CTNNA3: variants seen among roughly 807,000 people sequenced by gnomAD.
CTNNA3 encodes the protein catenin alpha-3.
Under a neutral mutation model 95.7 loss-of-function variants are expected in CTNNA3, and 76 were observed. The observed-to-expected ratio is 0.79, with a 90% CI of 0.66 to 0.96. The LOEUF (loss-of-function observed/expected upper bound fraction) is 0.96, where lower values mean the gene tolerates loss of function less well. CTNNA3 is among the 40% of genes least tolerant of loss of function. The pLI is 0.00. For missense variants in CTNNA3, 1,191 were observed against 1,089.8 expected, an observed-to-expected ratio of 1.09 and a Z score of -1.31; for synonymous variants, 431 against 374.4, an observed-to-expected ratio of 1.15 and a Z score of -1.74.
intron 7 of CTNNA3, among the ~76,000 whole-genome samples, chr10:66,833,267 G>T (rs1842784052): frequency 6.6e-6 from 1 of 152,144 alleles, no homozygotes; most frequent in Admixed American, 6.5e-5. Flanking sequence ...TAGCCAGTCT[G>T]CCAGGAGGCT....
chr10:67,388,403 G>A (rs1469352822), intron 5 of CTNNA3, among the ~76,000 whole-genome samples: 1 of 129,156 alleles, frequency 7.7e-6, no homozygotes, highest in Non-Finnish European at 1.6e-5. Context: ...AGAAATATGG[G>A]ACTATGTGAA....
chr10:66,776,412 G>A (rs1840301926), intron 7 of CTNNA3, among the ~76,000 whole-genome samples: 1 of 152,096 alleles, frequency 6.6e-6, no homozygotes, highest in South Asian at 2.1e-4. Flanking sequence ...GTTACAGCAC[G>A]AACTCAATGA....
At chr10:66,404,236 C>T (rs2093040539) in intron 11 of CTNNA3, among the ~76,000 whole-genome samples, 1 of 152,134 alleles carries the variant, frequency 6.6e-6, no homozygotes, top group East Asian at 1.9e-4. Flanking sequence ...GCACCCATAA[C>T]CTAAATCCTT....
intron 13 of CTNNA3, among the ~76,000 whole-genome samples, chr10:66,217,910 T>C (rs1044007216): frequency 7.5e-6 from 1 of 133,440 alleles, no homozygotes; most frequent in Non-Finnish European, 1.6e-5. Context: ...GGGTACCAGA[T>C]GAAGTCTGTC....
intron 12 of CTNNA3, among the ~76,000 whole-genome samples, chr10:66,351,976 TATAATAATAAAA>T (rs1393303233): frequency 6.6e-6 from 1 of 151,926 alleles, no homozygotes; most frequent in African/African-American, 2.4e-5. Context: ...GGTGACAATA[TATAATAATAAAA>T]ATAATAATAA....
intron 9 of CTNNA3, among the ~76,000 whole-genome samples, chr10:66,721,390 T>C (rs1848623775): frequency 6.6e-6 from 1 of 152,214 alleles, no homozygotes; most frequent in African/African-American, 2.4e-5. Context: ...AAAATTTCTT[T>C]GTTTTACTTA....
At chr10:67,736,375 ATG>A (rs1391876102) in intron 1 of CTNNA3, among the ~76,000 whole-genome samples, 1 of 152,120 alleles carries the variant, frequency 6.6e-6, no homozygotes, top group African/African-American at 2.4e-5. Flanking sequence ...AACATTGTAA[ATG>A]TATTTAATGT....
intron 5 of CTNNA3, among the ~76,000 whole-genome samples, chr10:67,292,642 T>C (rs771326129): frequency 2.6e-5 from 4 of 152,176 alleles, no homozygotes; most frequent in Non-Finnish European, 1.5e-5. Context: ...CTCTAAGGGA[T>C]AGAACAATTT....
chr10:66,865,213 C>CATGT (rs1188954832), intron 7 of CTNNA3, among the ~76,000 whole-genome samples: 2 of 143,826 alleles, frequency 1.4e-5, no homozygotes, highest in African/African-American at 5.3e-5. Context: ...TGTGTGTGTG[C>CATGT]GTGTGTGTGT....
At chr10:66,069,171 A>G (rs1176082341) in intron 15 of CTNNA3, 137 bp downstream of exon 15, 3 of 755,230 alleles carry the variant, frequency 4.0e-6, no homozygotes, top group Non-Finnish European at 6.6e-6. Flanking sequence ...TACACCTACA[A>G]CTTTCTAATA....
chr10:67,092,085 G>A (rs1242359336), intron 7 of CTNNA3, among the ~76,000 whole-genome samples: 1 of 102,862 alleles, frequency 9.7e-6, no homozygotes, highest in Admixed American at 8.4e-5. Flanking sequence ...TTTCGATAGT[G>A]ACAAGGACTA....
In CTNNA3 at chr10:67,656,945, G is replaced by A. The variant is rs960205376; in HGVS notation, c.-5-9427C>T. On this transcript the variant is annotated intron_variant, in intron 1 of 17. Coordinates refer to ENST00000433211, the MANE Select transcript of CTNNA3 (RefSeq NM_013266.4). ...TGTTTTATTTAGAGGAATCACTCTG[G>A]TGAATAGAACGAAGTACGAAGGGCA... is the stretch of plus-strand genomic sequence containing the variant. Among the ~76,000 whole-genome samples the A allele has an allele frequency of 2.0e-5, 3 of 152,154 alleles. No individual in the cohort carries two copies. The East Asian group carries it at 5.8e-4, about 29-fold the overall frequency.
chr10:66,792,645 T>G (rs1399326199), intron 7 of CTNNA3, among the ~76,000 whole-genome samples: 1 of 152,210 alleles, frequency 6.6e-6, no homozygotes, highest in Non-Finnish European at 1.5e-5. Context: ...ATCCACTTAA[T>G]GTTGTGAATG....
chr10:66,520,003 A>G (rs1464139023), intron 11 of CTNNA3, among the ~76,000 whole-genome samples: 1 of 152,094 alleles, frequency 6.6e-6, no homozygotes, highest in Non-Finnish European at 1.5e-5. Context: ...TTGAAAATCT[A>G]GGAAAAACCT....
At chr10:66,632,332 T>A (rs1444144960) in intron 9 of CTNNA3, among the ~76,000 whole-genome samples, 1 of 151,844 alleles carries the variant, frequency 6.6e-6, no homozygotes, top group African/African-American at 2.4e-5. Flanking sequence ...GGTGGGTGAA[T>A]CTCCTGAGGT....
At chr10:66,926,115 T>C (rs1260643399) in intron 7 of CTNNA3, 4 of 458,770 alleles carry the variant, frequency 8.7e-6, no homozygotes, top group Non-Finnish European at 1.8e-5. Context: ...TCCTGCCTTC[T>C]GGGCTCCAAC....
intron 13 of CTNNA3, among the ~76,000 whole-genome samples, chr10:66,209,844 G>T (rs564300295): frequency 1.3e-5 from 2 of 152,182 alleles, no homozygotes; most frequent in East Asian, 3.9e-4. Context: ...GTAGTAGCTC[G>T]TATTTATGCC....
At chr10:67,036,890 A>T (rs1854095376) in intron 7 of CTNNA3, among the ~76,000 whole-genome samples, 1 of 152,192 alleles carries the variant, frequency 6.6e-6, no homozygotes, top group South Asian at 2.1e-4. Context: ...TTGTGAAAAA[A>T]AATAATAATG....
intron 13 of CTNNA3, among the ~76,000 whole-genome samples, chr10:66,182,256 C>CT (rs570667950): frequency 0.18 from 23,812 of 134,506 alleles, 2,298 homozygotes; most frequent in Admixed American, 0.25. Context: ...GGATACATTT[C>CT]TTTTTTTTTT....
Sources: allele counts gnomAD v4.1 joint callset (sites outside exome capture counted in the v4.1 genomes callset), GRCh38; gene constraint gnomAD v4.1.1; transcripts MANE v1.5; gene names NCBI Gene and HGNC (gene_info 2026-07-23, HGNC 2026-07-21).